The following SEMA6D variants were observed in gnomAD, a reference collection of about 807,000 sequenced individuals.
The protein encoded by SEMA6D is semaphorin-6D.
SEMA6D carries 35 observed loss-of-function variants against 106.6 expected under a neutral mutation model. That is an observed-to-expected ratio of 0.33 (90% confidence interval 0.25 to 0.44). The LOEUF (loss-of-function observed/expected upper bound fraction) is 0.44. SEMA6D is among the 20% of genes least tolerant of loss of function. The pLI is 1.00. For missense variants in SEMA6D, 1,185 were observed against 1,345.9 expected (o/e 0.88, Z 1.87); for synonymous variants, 499 against 487.7 (o/e 1.02, Z -0.31).
intron 2 of SEMA6D, among the ~76,000 whole-genome samples, chr15:47,438,511 T>C (rs1160821013): frequency 6.6e-6 from 1 of 152,024 alleles, no homozygotes. Context: ...CCATCTCTTC[T>C]CCTCCCCTAA....
At chr15:47,609,308 C>G (rs1169546304) in intron 4 of SEMA6D, among the ~76,000 whole-genome samples, 3 of 152,136 alleles carry the variant, frequency 2.0e-5, no homozygotes, top group Non-Finnish European at 2.9e-5. Flanking sequence ...GTATACCATG[C>G]TGCAGTGGAA....
At chr15:47,311,110 A>G (rs1415605482) in intron 1 of SEMA6D, among the ~76,000 whole-genome samples, 1 of 152,242 alleles carries the variant, frequency 6.6e-6, no homozygotes, top group Admixed American at 6.5e-5. Flanking sequence ...ATATTTTATC[A>G]ACAGAACGTG....
chr15:47,266,214 T>C (rs997142651), intron 1 of SEMA6D, among the ~76,000 whole-genome samples: 2 of 152,114 alleles, frequency 1.3e-5, no homozygotes, highest in Admixed American at 6.6e-5. Flanking sequence ...TGTCTTTTTT[T>C]GCCAGTTGTC....
chr15:47,501,372 A>G (rs111894569), intron 3 of SEMA6D, among the ~76,000 whole-genome samples: 131 of 152,328 alleles, frequency 8.6e-4, no homozygotes, highest in African/African-American at 3.1e-3. Context: ...CAAATTATAC[A>G]TAGGAAAATA....
chr15:47,208,182 T>C (rs1895239530), intron 1 of SEMA6D, among the ~76,000 whole-genome samples: 1 of 152,106 alleles, frequency 6.6e-6, no homozygotes, highest in Non-Finnish European at 1.5e-5. Context: ...ACATTTTTTT[T>C]AAATGAGAAA....
At chr15:47,195,218 C>T (rs1894255492) in intron 1 of SEMA6D, among the ~76,000 whole-genome samples, 1 of 152,070 alleles carries the variant, frequency 6.6e-6, no homozygotes, top group Non-Finnish European at 1.5e-5. Context: ...AAGATGGACA[C>T]AGAGAAACAT....
At chr15:47,685,528 A>G (rs2078449510) in intron 4 of SEMA6D, among the ~76,000 whole-genome samples, 1 of 152,142 alleles carries the variant, frequency 6.6e-6, no homozygotes, top group Non-Finnish European at 1.5e-5. Flanking sequence ...CACTGGGTCC[A>G]TTTCATATTT....
intron 2 of SEMA6D, among the ~76,000 whole-genome samples, chr15:47,463,059 G>T (rs968947938): frequency 2.6e-5 from 4 of 152,052 alleles, no homozygotes; most frequent in Admixed American, 2.6e-4. Context: ...TGAAGAAAAG[G>T]ATCTTCAGTA....
chr15:47,336,197 A>T (rs1159443103), intron 1 of SEMA6D, among the ~76,000 whole-genome samples: 1 of 152,190 alleles, frequency 6.6e-6, no homozygotes, highest in Non-Finnish European at 1.5e-5. Flanking sequence ...GTTTGTGTGA[A>T]GTGGTTGTGT....
chr15:47,335,146 A>G (rs567848475), intron 1 of SEMA6D, among the ~76,000 whole-genome samples: 1 of 152,078 alleles, frequency 6.6e-6, no homozygotes, highest in African/African-American at 2.4e-5. Flanking sequence ...CCAAGAAACT[A>G]TTGAAACTAG....
intron 4 of SEMA6D, among the ~76,000 whole-genome samples, chr15:47,656,301 C>T (rs1426047478): frequency 1.3e-5 from 2 of 152,122 alleles, no homozygotes; most frequent in African/African-American, 2.4e-5. Flanking sequence ...GGAATCTAAC[C>T]CTGTAGCTCC....
intron 1 of SEMA6D, among the ~76,000 whole-genome samples, chr15:47,741,200 A>C (rs2080792532): frequency 6.6e-6 from 1 of 152,172 alleles, no homozygotes; most frequent in African/African-American, 2.4e-5. Flanking sequence ...CAGACATTGA[A>C]GTCAAACTGG....
chr15:47,289,926 T>C (rs1318859132), intron 1 of SEMA6D, among the ~76,000 whole-genome samples: 1 of 151,878 alleles, frequency 6.6e-6, no homozygotes, highest in South Asian at 2.1e-4. Context: ...AACTTCATCC[T>C]GGGAGGACTG....
intron 11 of SEMA6D, 121 bp downstream of exon 11, chr15:47,764,426 C>T: frequency 1.5e-6 from 2 of 1,309,510 alleles, no homozygotes; most frequent in Admixed American, 5.1e-5. Context: ...CTCTCTCAGA[C>T]AGAGCCAGCA....
At chr15:47,646,756 T>A (rs1298842175) in intron 4 of SEMA6D, among the ~76,000 whole-genome samples, 1 of 152,208 alleles carries the variant, frequency 6.6e-6, no homozygotes, top group Non-Finnish European at 1.5e-5. Flanking sequence ...TGCATAGGAC[T>A]GGATTTATGT....
rs1595790168 is a variant in SEMA6D at position 47,238,258 on chromosome 15, A to G, written c.-239+53840A>G. Among the ~76,000 whole-genome samples, 3 of 152,256 alleles carry G rather than the reference A, an allele frequency of 2.0e-5. No individual in the cohort carries two copies. In the East Asian group the frequency reaches 5.8e-4, roughly 29 times the overall value. The stretch of plus-strand genomic sequence containing the variant: ...TACGCTGTAAACTCGTCATTGGAGA[A>G]TAAAATAGCAACAACAACAATAATG... On this transcript the variant is annotated intron_variant, in intron 1 of 19. Transcript: ENST00000558014.
At chr15:47,416,878 C>T (rs1417577514) in intron 2 of SEMA6D, among the ~76,000 whole-genome samples, 3 of 152,092 alleles carry the variant, frequency 2.0e-5, no homozygotes, top group Non-Finnish European at 4.4e-5. Context: ...CCATGACTAA[C>T]AATAGGAACC....
intron 1 of SEMA6D, among the ~76,000 whole-genome samples, chr15:47,746,620 C>A (rs969409340): frequency 5.9e-5 from 9 of 152,186 alleles, no homozygotes; most frequent in Non-Finnish European, 1.0e-4. Context: ...GCCCAAAGGG[C>A]AGAACCAGGC....
chr15:47,222,017 G>A (rs200624703), intron 1 of SEMA6D, among the ~76,000 whole-genome samples: 5 of 151,648 alleles, frequency 3.3e-5, no homozygotes, highest in East Asian at 3.9e-4. Context: ...ACACACACAC[G>A]CACAGACACA....
Sources: allele counts gnomAD v4.1 joint callset (sites outside exome capture counted in the v4.1 genomes callset), GRCh38; gene constraint gnomAD v4.1.1; transcripts MANE v1.5; gene names NCBI Gene and HGNC (gene_info 2026-07-23, HGNC 2026-07-21).